Variants in RNF144A observed in about 807,000 individuals in gnomAD.
RNF144A encodes the protein ring finger protein 144A.
RNF144A carries 11 observed loss-of-function variants against 38.7 expected under a neutral mutation model. That is an observed-to-expected ratio of 0.28 (90% CI 0.18 to 0.47). The LOEUF (loss-of-function observed/expected upper bound fraction) is 0.47, where lower values mean the gene tolerates loss of function less well. Among genes scored for constraint, RNF144A ranks in the 20% least tolerant of loss-of-function variants. The pLI is 0.99. For synonymous variants in RNF144A, 149 were observed against 143.9 expected (o/e 1.04, Z -0.25); for missense variants, 316 against 377.2 (o/e 0.84, Z 1.34).
chr2:6,942,267 C>T (rs533946660), intron 2 of RNF144A, among the ~76,000 whole-genome samples: 31 of 151,142 alleles, frequency 2.1e-4, no homozygotes, highest in Admixed American at 6.6e-4. Context: ...TCTCAGAGGA[C>T]GTTAGAAAGG....
At chr2:7,014,433 A>G (rs1475290917) in intron 3 of RNF144A, 21 bp from the exon 4 acceptor site, 1 of 1,524,012 alleles carries the variant, frequency 6.6e-7, no homozygotes, top group Admixed American at 1.7e-5. Flanking sequence ...GTTTATAGAC[A>G]CTTCTCTGTT....
At chr2:7,051,142 G>A (rs1173196165) in intron 6 of RNF144A, among the ~76,000 whole-genome samples, 1 of 152,192 alleles carries the variant, frequency 6.6e-6, no homozygotes, top group Non-Finnish European at 1.5e-5. Flanking sequence ...AGAAGTCAGA[G>A]CAAATTTCTG....
chr2:7,017,972 A>G (rs898818212), intron 5 of RNF144A, among the ~76,000 whole-genome samples: 2 of 152,174 alleles, frequency 1.3e-5, no homozygotes, highest in Non-Finnish European at 2.9e-5. Context: ...AATCGTTCCC[A>G]TGGAAACCTT....
At chr2:6,950,659 C>T (rs986162563) in intron 2 of RNF144A, among the ~76,000 whole-genome samples, 2 of 152,206 alleles carry the variant, frequency 1.3e-5, no homozygotes, top group Non-Finnish European at 2.9e-5. Flanking sequence ...ACATTGCCAT[C>T]AGCAGTGAAT....
rs1253108955 is a variant in RNF144A, at chr2:6,983,340, C to G, written c.-11-13576C>G. On this transcript the variant is annotated intron_variant, in intron 2 of 8. Coordinates refer to ENST00000320892, the MANE Select transcript of RNF144A (RefSeq NM_014746.6). ...GCTCCACACTGTTGTCTTTCTAGAA[C>G]AATCCCTGGGGGACTGTGGATCTCT... is the stretch of plus-strand genomic sequence containing the variant. 3.3e-5 allele frequency among the ~76,000 whole-genome samples: 5 copies of G among 152,148 alleles called. No individual in the cohort carries two copies. The South Asian group carries it at 1.0e-3, about 32-fold the overall frequency.
At chr2:7,058,359 AATT>A (rs1673824237) in intron 6 of RNF144A, among the ~76,000 whole-genome samples, 1 of 151,242 alleles carries the variant, frequency 6.6e-6, no homozygotes, top group African/African-American at 2.4e-5. Flanking sequence ...AAAAAAAAGT[AATT>A]ATCAGAATGT....
intron 8 of RNF144A, among the ~76,000 whole-genome samples, chr2:7,031,205 G>A (rs528041478): frequency 1.3e-5 from 2 of 152,062 alleles, no homozygotes; most frequent in African/African-American, 2.4e-5. Flanking sequence ...TAATGCCTGT[G>A]CAGTCTTTGG....
chr2:7,074,806 A>C, the RNF144A span: 1 of 153,920 alleles, frequency 6.5e-6, no homozygotes, highest in Non-Finnish European at 1.5e-5. Flanking sequence ...AAAGGATGGA[A>C]GAAAGGAAGG....
Position 7,043,282 on chromosome 2 carries a change from A to T in RNF144A, c.*3522A>T, listed in dbSNP as rs949439806. 5.1e-6 allele frequency: 5 copies of T among 985,294 alleles called. No individual in the cohort carries two copies. The African/African-American group carries it at 8.7e-5, about 17-fold the overall frequency. 61.0% of individuals were successfully genotyped at this position (985,294 alleles called of 1,614,324 possible). A position where few individuals can be genotyped will look rare whatever the true frequency, so the allele number is the denominator to read the frequency against. ...GGACCTGTGGGAGGGACTATCAGAG[A>T]TGCAAAAATTACTTCAAGATGAGTT... On this transcript the variant is annotated 3_prime_UTR_variant, in exon 9 of 9. Transcript: ENST00000320892.
rs1193232409 is a variant in RNF144A, at chr2:7,040,380, C to T, written c.*620C>T. ...CAGGAGATTTAGAAAGCCTTATGCACTCTTTGTGTTTTTCTTGAAACTTGC... is the reference window on the plus strand; with the variant it reads ...CAGGAGATTTAGAAAGCCTTATGCATTCTTTGTGTTTTTCTTGAAACTTGC... On this transcript the variant is annotated 3_prime_UTR_variant, in exon 9 of 9. Transcript: ENST00000320892. 7.1e-6 allele frequency: 7 copies of T among 985,326 alleles called. No individual in the cohort carries two copies. Among genetic ancestry groups the T allele is most frequent in the Non-Finnish European group, 8.4e-6 (7 of 829,892 alleles). The allele number at this position is 985,326 out of a possible 1,614,324, so 61.0% of individuals were successfully genotyped here.
At chr2:7,036,935 G>A (rs1672720317) in intron 8 of RNF144A, among the ~76,000 whole-genome samples, 1 of 152,178 alleles carries the variant, frequency 6.6e-6, no homozygotes, top group East Asian at 1.9e-4. Flanking sequence ...ACTTAGAATG[G>A]TTTGCAGAAA....
In RNF144A at chr2:7,040,564, A is replaced by T. The variant is rs1268525269; in HGVS notation, c.*804A>T. 10 of 985,320 alleles carry T rather than the reference A, an allele frequency of 1.0e-5. No individual in the cohort carries two copies. Among genetic ancestry groups the T allele is most frequent in the Admixed American group, 6.1e-5 (1 of 16,264 alleles). 61.0% of individuals were successfully genotyped at this position (985,320 alleles called of 1,614,324 possible). On this transcript the variant is annotated 3_prime_UTR_variant, in exon 9 of 9. Transcript: ENST00000320892. The stretch of plus-strand genomic sequence containing the variant: ...TCTCTTTGGTGATTCAGCTCAGCTC[A>T]TGGGCCTCATCCCTTCTCTCCCAGG...
At chr2:7,033,749 T>C (rs1672476380) in intron 8 of RNF144A, among the ~76,000 whole-genome samples, 1 of 152,240 alleles carries the variant, frequency 6.6e-6, no homozygotes, top group Non-Finnish European at 1.5e-5. Flanking sequence ...ATCTGGGTCT[T>C]ATCTCTTAGG....
chr2:7,030,116 C>A lies in RNF144A; in HGVS notation c.658-10C>A, dbSNP rs549877626. The A allele has an allele frequency of 1.2e-6, 2 of 1,603,836 alleles. No individual in the cohort carries two copies. Among genetic ancestry groups the A allele is most frequent in the Non-Finnish European group, 1.7e-6 (2 of 1,170,674 alleles). ...CTCGTTCATGCCGTCTCTGTCTCTG[C>A]CCCTCACAGGATGATTTCCTTCTGA... On this transcript the variant is annotated splice_polypyrimidine_tract_variant and intron_variant, in intron 7 of 8. Coordinates refer to ENST00000320892, the MANE Select transcript of RNF144A (RefSeq NM_014746.6).
At chr2:6,993,063 C>T (rs961668099) in intron 2 of RNF144A, among the ~76,000 whole-genome samples, 2 of 152,134 alleles carry the variant, frequency 1.3e-5, no homozygotes, top group Non-Finnish European at 2.9e-5. Context: ...CGCAGCTGTT[C>T]GCTGTTTGCA....
chr2:6,935,076 T>C (rs1665482132), intron 1 of RNF144A, among the ~76,000 whole-genome samples: 1 of 151,938 alleles, frequency 6.6e-6, no homozygotes, highest in African/African-American at 2.4e-5. Context: ...TTGAGACATA[T>C]GCCATCAGGC....
chr2:6,978,502 T>G (rs527611661), intron 2 of RNF144A: 9 of 152,358 alleles, frequency 5.9e-5, no homozygotes, highest in African/African-American at 1.7e-4. Flanking sequence ...GAATAATTAC[T>G]CCACACAGAC....
intron 3 of RNF144A, among the ~76,000 whole-genome samples, chr2:7,006,029 C>G (rs1032361403): frequency 7.0e-6 from 1 of 142,590 alleles, no homozygotes; most frequent in African/African-American, 2.6e-5. Flanking sequence ...GGCATCATTC[C>G]TTTAATGAAA....
chr2:6,926,504 A>G (rs1317029255), intron 1 of RNF144A, among the ~76,000 whole-genome samples: 1 of 152,224 alleles, frequency 6.6e-6, no homozygotes, highest in Non-Finnish European at 1.5e-5. Flanking sequence ...GCAGGAGCCC[A>G]TATGGATTAG....
Sources: gnomAD v4.1 joint callset for allele counts (sites outside exome capture counted in the v4.1 genomes callset) on GRCh38, gnomAD v4.1.1 for gene constraint, MANE v1.5 for transcripts, NCBI Gene and HGNC (gene_info 2026-07-23, HGNC 2026-07-21) for gene names.